The following JHY variants were observed in gnomAD, a reference collection of about 807,000 sequenced individuals.
JHY encodes jhy protein homolog.
Under a neutral mutation model 78.0 loss-of-function variants are expected in JHY, and 69 were observed. That is an observed-to-expected ratio of 0.88 (90% CI 0.73 to 1.08). The LOEUF (loss-of-function observed/expected upper bound fraction) is 1.08. Among genes scored for constraint, JHY ranks in the 50% least tolerant of loss-of-function variants. JHY has a pLI of 0.00. For synonymous variants in JHY, 368 were observed against 342.6 expected (o/e 1.07, Z -0.82); for missense variants, 944 against 927.8 (o/e 1.02, Z -0.23).
At chr11:122,956,409 T>A in intron 6 of JHY, 87 bp from the exon 7 acceptor site, 1 of 1,083,854 alleles carries the variant, frequency 9.2e-7, no homozygotes, top group South Asian at 1.5e-5. Flanking sequence ...TTTCTTACTT[T>A]ATGTGGCTAT....
rs757354903 is a variant in JHY, at chr11:122,934,887, T to G, written c.1446T>G (p.Tyr482Ter). 1 of 1,614,054 alleles carries G rather than the reference T, an allele frequency of 6.2e-7. No individual in the cohort carries two copies. Among genetic ancestry groups the G allele is most frequent in the South Asian group, 1.1e-5 (1 of 91,066 alleles). The change falls in exon 5 of 9, where the codon TAT becomes TAG. Residue 482 changes from tyrosine (Y) to a stop codon, truncating the protein, a stop_gained. Coordinates refer to ENST00000227349, the MANE Select transcript of JHY (RefSeq NM_024806.4). LOFTEE classifies it high-confidence loss of function. ...HKDQEEKRFSYQQLHTLSDMD... is the reference protein window; with the variant it reads ...HKDQEEKRFS ...ACCAAGAAGAGAAAAGATTTTCATA[T>G]CAGCAGCTACACACCCTTTCTGACA...
intron 3 of JHY, among the ~76,000 whole-genome samples, chr11:122,922,630 G>A (rs1863393285): frequency 1.3e-5 from 2 of 151,936 alleles, no homozygotes; most frequent in South Asian, 4.2e-4. Context: ...CTAACACGGT[G>A]AAACCCCGTC....
At chr11:122,957,553 TCG>T (rs1864218783) in intron 8 of JHY, 62 bp downstream of exon 8, 3 of 1,410,218 alleles carry the variant, frequency 2.1e-6, no homozygotes, top group Admixed American at 3.0e-5. Context: ...ACTTTTATTA[TCG>T]CTTTTTTTTT....
chr11:122,887,480 G>A (rs1214874140), intron 2 of JHY, among the ~76,000 whole-genome samples: 1 of 152,020 alleles, frequency 6.6e-6, no homozygotes, highest in African/African-American at 2.4e-5. Context: ...GTGCCACCAC[G>A]CCCAGCTAAT....
At chr11:122,915,913 A>G (rs1290384962) in intron 3 of JHY, among the ~76,000 whole-genome samples, 1 of 152,190 alleles carries the variant, frequency 6.6e-6, no homozygotes, top group Non-Finnish European at 1.5e-5. Context: ...CACTAAGTAG[A>G]AAGCTGTCAG....
chr11:122,904,505 G>A, intron 3 of JHY, 61 bp downstream of exon 3: 1 of 1,540,950 alleles, frequency 6.5e-7, no homozygotes, highest in South Asian at 1.3e-5. Flanking sequence ...GCGTTTGTTT[G>A]CAGTGTCTAG....
At position 122,962,678 on chromosome 11, in the gene JHY, A is replaced by G. The variant is rs1864339314; in HGVS notation, c.*3233A>G. ...GAAGAGAAAAAGAATGCATATAGAG[A>G]CATTCATATTTAAAGGGATAGGGTA... On this transcript the variant is annotated 3_prime_UTR_variant, in exon 9 of 9. Coordinates refer to ENST00000227349, the MANE Select transcript of JHY (RefSeq NM_024806.4). Among the ~76,000 whole-genome samples the G allele has an allele frequency of 6.6e-6, 1 of 152,226 alleles. No homozygotes were observed. Among genetic ancestry groups the G allele is most frequent in the Non-Finnish European group, 1.5e-5 (1 of 68,016 alleles).
chr11:122,952,554 C>T (rs1864110983), intron 6 of JHY, among the ~76,000 whole-genome samples: 1 of 152,186 alleles, frequency 6.6e-6, no homozygotes, highest in Non-Finnish European at 1.5e-5. Flanking sequence ...TTAGGCCACA[C>T]TCTGTCCCTT....
rs184193570 is a variant in JHY at position 122,903,805 on chromosome 11, T to C, written c.345-120T>C. 1.5e-5 allele frequency: 20 copies of C among 1,349,458 alleles called. No homozygotes were observed. In the African/African-American group the frequency reaches 2.6e-4, roughly 18 times the overall value. 83.6% of individuals were successfully genotyped at this position (1,349,458 alleles called of 1,614,324 possible). On this transcript the variant is annotated intron_variant, in intron 2 of 8. Transcript: ENST00000227349. ...CTGGGATTTGTGTTTAGCATACAGA[T>C]AATAAAAGGAAAACTATAGGAGAAA...
chr11:122,941,950 C>T (rs1565333133), intron 5 of JHY, among the ~76,000 whole-genome samples: 1 of 152,252 alleles, frequency 6.6e-6, no homozygotes, highest in East Asian at 1.9e-4. Flanking sequence ...CGGCTCATTG[C>T]AACCTCTGCC....
At position 122,904,444 on chromosome 11, in the gene JHY, G is replaced by A; in HGVS notation, c.864G>A (p.Gln288=). The change falls in exon 3 of 9, where the codon CAG becomes CAA. Residue 288 remains glutamine (Q), a splice_region_variant and synonymous_variant. Transcript: ENST00000227349. ...AAAGAGGGGAATCTCATCCAGAACA[G>A]GTACGTAGTGGCTACTTTAAAATGT... The part of the protein sequence containing the change: ...NKKRGESHPE[Q]ISYPVRVTDK... The A allele has an allele frequency of 6.2e-7, 1 of 1,603,416 alleles. No individual in the cohort carries two copies. Among genetic ancestry groups the A allele is most frequent in the South Asian group, 1.1e-5 (1 of 90,270 alleles).
chr11:122,892,250 AT>A (rs1251261500), intron 2 of JHY, among the ~76,000 whole-genome samples: 1 of 151,976 alleles, frequency 6.6e-6, no homozygotes, highest in African/African-American at 2.4e-5. Flanking sequence ...AGATAGGCAC[AT>A]GAGGAATTAC....
At chr11:122,926,200 A>AAAAAAAAG (rs1863497646) in intron 4 of JHY, among the ~76,000 whole-genome samples, 1 of 90,382 alleles carries the variant, frequency 1.1e-5, no homozygotes, top group African/African-American at 3.1e-5. Context: ...AAAAAAAAAA[A>AAAAAAAAG]AAAAAAGAAA....
chr11:122,921,187 C>T (rs780218761), intron 3 of JHY, among the ~76,000 whole-genome samples: 2 of 152,106 alleles, frequency 1.3e-5, no homozygotes, highest in Non-Finnish European at 2.9e-5. Context: ...AATGTATATC[C>T]TACATTTTCT....
chr11:122,956,551 C>A lies in JHY; in HGVS notation c.1985C>A (p.Pro662His). Residue 662 changes from proline (P) to histidine (H), a missense_variant, in exon 7 of 9, where the codon CCT (proline) becomes CAT (histidine). Physicochemically the swap from Pro to His is moderately conservative, Grantham distance 77. Coordinates refer to ENST00000227349, the MANE Select transcript of JHY (RefSeq NM_024806.4). ...GACGTGAAGCTTGGAGGCCTCGGAC[C>A]TGACTTTGAGTCCATCAGAGACAAA... ...KRDVKLGGLG[P>H]DFESIRDKTQ... The A allele has an allele frequency of 6.2e-7, 1 of 1,613,646 alleles. No individual in the cohort carries two copies. The highest frequency in any genetic ancestry group is 8.5e-7 in the Non-Finnish European group (1 of 1,179,670).
chr11:122,937,999 G>A (rs1256317796), intron 5 of JHY, among the ~76,000 whole-genome samples: 1 of 145,306 alleles, frequency 6.9e-6, no homozygotes, highest in African/African-American at 2.6e-5. Context: ...CTGATCCTTT[G>A]TATATAATCT....
chr11:122,910,423 T>A lies in JHY; in HGVS notation c.864+5979T>A, dbSNP rs1342865356. Among the ~76,000 whole-genome samples, 3 of 151,432 alleles carry A rather than the reference T, an allele frequency of 2.0e-5. No individual in the cohort carries two copies. In the East Asian group the frequency reaches 5.8e-4, roughly 29 times the overall value. ...GAGGCAGGGTTTCCGTGAGCCAAGA[T>A]CGCACCACTGCACTCCAGCCTGGGC... On this transcript the variant is annotated intron_variant, in intron 3 of 8. Transcript: ENST00000227349.
intron 2 of JHY, among the ~76,000 whole-genome samples, chr11:122,892,702 G>A (rs1482253617): frequency 6.6e-6 from 1 of 152,146 alleles, no homozygotes; most frequent in Non-Finnish European, 1.5e-5. Flanking sequence ...AATAATACGA[G>A]TCAGGTGAAG....
chr11:122,946,245 A>G (rs1324350225), intron 5 of JHY, among the ~76,000 whole-genome samples: 1 of 152,118 alleles, frequency 6.6e-6, no homozygotes, highest in African/African-American at 2.4e-5. Flanking sequence ...ATTTTTCAAA[A>G]TGGTGTTTTT....
Sources: gnomAD v4.1 joint callset for allele counts (sites outside exome capture counted in the v4.1 genomes callset) on GRCh38, gnomAD v4.1.1 for gene constraint, MANE v1.5 for transcripts, NCBI Gene and HGNC (gene_info 2026-07-23, HGNC 2026-07-21) for gene names.